MAMDC2: variants seen among roughly 807,000 people sequenced by gnomAD.
MAMDC2 encodes MAM domain containing 2.
Under a neutral mutation model 89.8 loss-of-function variants are expected in MAMDC2, and 57 were observed. The observed-to-expected ratio is 0.63, with a 90% CI of 0.51 to 0.79. MAMDC2 has a LOEUF of 0.79. Among genes scored for constraint, MAMDC2 ranks in the 30% least tolerant of loss-of-function variants. The pLI, the probability that MAMDC2 is intolerant of heterozygous loss-of-function variation, is 0.00. For synonymous variants in MAMDC2, 313 were observed against 293.4 expected (o/e 1.07, Z -0.68); for missense variants, 800 against 820.6 (o/e 0.97, Z 0.31).
chr9:70,044,618 T>C lies in MAMDC2; in HGVS notation c.69T>C (p.Ala23=). 6.4e-7 allele frequency: 1 copy of C among 1,551,186 alleles called. No homozygotes were observed. Among genetic ancestry groups the C allele is most frequent in the Non-Finnish European group, 8.7e-7 (1 of 1,146,946 alleles). ...LQLAGALDLP[A]GSCAFEESTC... ...TCGCCGGTGCCCTCGACCTGCCCGC[T>C]GGGTCCTGTGCCTTTGAAGAGAGCA... The change falls in exon 2 of 14, where the codon GCT becomes GCC. Residue 23 remains alanine, a synonymous_variant. Transcript: ENST00000377182.
intron 12 of MAMDC2, among the ~76,000 whole-genome samples, chr9:70,220,453 CA>C (rs912225525): frequency 3.9e-5 from 6 of 152,162 alleles, no homozygotes; most frequent in Non-Finnish European, 4.4e-5. Flanking sequence ...GTGATTCCCT[CA>C]GGAATCCAAA....
chr9:70,144,403 C>G (rs1188264301), intron 9 of MAMDC2, among the ~76,000 whole-genome samples: 1 of 152,144 alleles, frequency 6.6e-6, no homozygotes, highest in East Asian at 1.9e-4. Flanking sequence ...AAAAAGAGAT[C>G]TTTATTGCAA....
At chr9:70,179,213 A>G (rs559584353) in intron 11 of MAMDC2, among the ~76,000 whole-genome samples, 1 of 152,204 alleles carries the variant, frequency 6.6e-6, no homozygotes. Context: ...CTAACATAAC[A>G]ATACTAAAAT....
intron 2 of MAMDC2, among the ~76,000 whole-genome samples, chr9:70,053,788 T>C (rs1424419553): frequency 6.6e-6 from 1 of 152,166 alleles, no homozygotes; most frequent in African/African-American, 2.4e-5. Flanking sequence ...ATTCAGGAGC[T>C]GTGAGGAGGC....
rs2030558005 is a variant in MAMDC2, at chr9:70,126,498, G to A, written c.900+83G>A. 2.1e-6 allele frequency: 3 copies of A among 1,414,912 alleles called. No individual in the cohort carries two copies. In the Admixed American group the frequency reaches 5.6e-5, roughly 26 times the overall value. The allele number at this position is 1,414,912 out of a possible 1,614,324, so 87.6% of individuals were successfully genotyped here. A position where few individuals can be genotyped will look rare whatever the true frequency, so the allele number is the denominator to read the frequency against. Reference sequence around the variant, plus strand: ...ACACAGGGCTGGAGATGGAGAGGCTGTGCAGCCTCACACTCAGTCTGTCTT... The same window carrying A: ...ACACAGGGCTGGAGATGGAGAGGCTATGCAGCCTCACACTCAGTCTGTCTT... On this transcript the variant is annotated intron_variant, in intron 6 of 13. Coordinates refer to ENST00000377182, the MANE Select transcript of MAMDC2 (RefSeq NM_153267.5).
At chr9:70,095,088 T>C (rs947890021) in intron 2 of MAMDC2, among the ~76,000 whole-genome samples, 4 of 152,096 alleles carry the variant, frequency 2.6e-5, no homozygotes, top group African/African-American at 4.8e-5. Context: ...AAACAGCATG[T>C]GGGAAGGCCT....
intron 5 of MAMDC2, among the ~76,000 whole-genome samples, chr9:70,114,780 C>G (rs2029891377): frequency 6.6e-6 from 1 of 152,088 alleles, no homozygotes; most frequent in Admixed American, 6.6e-5. Context: ...ATTTCTACCA[C>G]AAATGGATGT....
At chr9:70,144,647 C>T (rs2031339529) in intron 9 of MAMDC2, among the ~76,000 whole-genome samples, 1 of 152,174 alleles carries the variant, frequency 6.6e-6, no homozygotes, top group Non-Finnish European at 1.5e-5. Flanking sequence ...ACAGATAACT[C>T]ACACAGTGGT....
chr9:70,225,614 T>C, intron 12 of MAMDC2, 136 bp from the exon 13 acceptor site: 1 of 523,244 alleles, frequency 1.9e-6, no homozygotes, highest in Non-Finnish European at 3.4e-6. Flanking sequence ...TTTCAATTTG[T>C]AATTTGGTAT....
At chr9:70,191,357 A>G (rs1175622832) in intron 11 of MAMDC2, among the ~76,000 whole-genome samples, 1 of 151,104 alleles carries the variant, frequency 6.6e-6, no homozygotes, top group East Asian at 1.9e-4. Flanking sequence ...TGTTTTATCT[A>G]TTTTTTTAAA....
At chr9:70,082,269 T>C (rs1247072174) in intron 2 of MAMDC2, among the ~76,000 whole-genome samples, 1 of 152,164 alleles carries the variant, frequency 6.6e-6, no homozygotes, top group Non-Finnish European at 1.5e-5. Flanking sequence ...CATGGAATAA[T>C]AATATCCTCT....
At chr9:70,062,078 G>A (rs768501214) in intron 2 of MAMDC2, among the ~76,000 whole-genome samples, 2 of 152,188 alleles carry the variant, frequency 1.3e-5, no homozygotes, top group Non-Finnish European at 2.9e-5. Context: ...AATAGGGAGA[G>A]TTTTCTTAAC....
intron 11 of MAMDC2, among the ~76,000 whole-genome samples, chr9:70,193,209 T>C (rs760209656): frequency 3.3e-5 from 5 of 152,132 alleles, no homozygotes; most frequent in South Asian, 4.1e-4. Flanking sequence ...AGAAACCACT[T>C]TGATAATCAC....
At chr9:70,105,391 T>G (rs1828311516) in intron 2 of MAMDC2, among the ~76,000 whole-genome samples, 1 of 152,084 alleles carries the variant, frequency 6.6e-6, no homozygotes, top group Non-Finnish European at 1.5e-5. Flanking sequence ...AGAAAATTAG[T>G]CTTGAAGTTG....
intron 9 of MAMDC2, among the ~76,000 whole-genome samples, chr9:70,162,997 CATT>C (rs1200897782): frequency 6.6e-6 from 1 of 151,504 alleles, no homozygotes; most frequent in Non-Finnish European, 1.5e-5. Flanking sequence ...TGCTGCCTGT[CATT>C]ATGTTGTTTC....
intron 2 of MAMDC2, among the ~76,000 whole-genome samples, chr9:70,095,476 T>C (rs1828006303): frequency 6.6e-6 from 1 of 152,170 alleles, no homozygotes; most frequent in Non-Finnish European, 1.5e-5. Flanking sequence ...TTGAGATTGA[T>C]AGAATTTTGG....
chr9:70,223,132 CA>C (rs57177475), intron 12 of MAMDC2, among the ~76,000 whole-genome samples: 3,536 of 118,178 alleles, frequency 0.03, 15 homozygotes, highest in African/African-American at 0.036. Flanking sequence ...GACTCTGTCT[CA>C]AAAAAAAAAA....
intron 5 of MAMDC2, among the ~76,000 whole-genome samples, chr9:70,122,607 C>T (rs2030334959): frequency 6.6e-6 from 1 of 152,026 alleles, no homozygotes; most frequent in Non-Finnish European, 1.5e-5. Context: ...GCCATAGTGC[C>T]TAGGAGCCAT....
intron 5 of MAMDC2, among the ~76,000 whole-genome samples, chr9:70,114,487 C>T (rs923642337): frequency 2.6e-5 from 4 of 151,958 alleles, no homozygotes; most frequent in East Asian, 1.9e-4. Flanking sequence ...ACACACTTGC[C>T]GGTCAGGCCC....
Sources: gnomAD v4.1 joint callset for allele counts (sites outside exome capture counted in the v4.1 genomes callset) on GRCh38, gnomAD v4.1.1 for gene constraint, MANE v1.5 for transcripts, NCBI Gene and HGNC (gene_info 2026-07-23, HGNC 2026-07-21) for gene names.